The following RACGAP1 variants were observed in gnomAD, a reference collection of about 807,000 sequenced individuals.
RACGAP1 encodes Rac GTPase activating protein 1, also known as rac GTPase-activating protein 1.
A neutral mutation model predicts 78.1 loss-of-function variants in RACGAP1; 30 were observed. That is an observed-to-expected ratio of 0.38 (90% CI 0.29 to 0.52). The LOEUF is 0.52. Among genes scored for constraint, RACGAP1 ranks in the 20% least tolerant of loss-of-function variants. The probability of loss-of-function intolerance (pLI) is 0.82; values close to 1 mark genes in which losing one functional copy is unlikely to be tolerated. For synonymous variants in RACGAP1, 231 were observed against 264.8 expected, an observed-to-expected ratio of 0.87 and a Z score of 1.24; for missense variants, 587 against 777.1, an observed-to-expected ratio of 0.76 and a Z score of 2.91.
upstream of RACGAP1, among the ~76,000 whole-genome samples, chr12:50,026,421 T>C (rs888045986): frequency 3.9e-5 from 6 of 151,974 alleles, no homozygotes; most frequent in East Asian, 1.9e-4. Flanking sequence ...TCAAGAGATA[T>C]AAAATTTCAG....
chr12:50,012,315 C>G (rs1273243945), intron 2 of RACGAP1, among the ~76,000 whole-genome samples: 8 of 151,980 alleles, frequency 5.3e-5, no homozygotes, highest in Middle Eastern at 3.4e-3. Flanking sequence ...AATCCCAGCA[C>G]TTTGGGAGGC....
chr12:50,029,036 T>G (rs548219412), upstream of RACGAP1, among the ~76,000 whole-genome samples: 8 of 152,004 alleles, frequency 5.3e-5, no homozygotes, highest in African/African-American at 1.9e-4. Flanking sequence ...GCCAACATGG[T>G]GAAACCCTGT....
Position 49,994,345 on chromosome 12 carries a change from C to T in RACGAP1, c.1141-16G>A, listed in dbSNP as rs1196913924. ...ACAGGCCTGTCTATTATCAAGATGACATTTTTATTTAAAAACCTCCGAATT... is the reference window on the plus strand; with the variant it reads ...ACAGGCCTGTCTATTATCAAGATGATATTTTTATTTAAAAACCTCCGAATT... On this transcript the variant is annotated splice_polypyrimidine_tract_variant and intron_variant, in intron 11 of 16. Transcript: ENST00000312377. 9.9e-6 allele frequency: 16 copies of T among 1,612,624 alleles called. No individual in the cohort carries two copies. The highest frequency in any genetic ancestry group is 1.7e-5 in the Admixed American group (1 of 59,694).
At chr12:49,995,003 T>C (rs536047964) in intron 10 of RACGAP1, among the ~76,000 whole-genome samples, 1 of 152,246 alleles carries the variant, frequency 6.6e-6, no homozygotes, top group South Asian at 2.1e-4. Flanking sequence ...CAAACCTACC[T>C]GTAGGGGAGA....
At position 49,990,159 on chromosome 12, in the gene RACGAP1, C is replaced by A; in HGVS notation, c.*109G>T. The A allele has an allele frequency of 1.1e-6, 1 of 875,654 alleles. No individual in the cohort carries two copies. The highest frequency in any genetic ancestry group is 1.8e-6 in the Non-Finnish European group (1 of 553,928). The allele number at this position is 875,654 out of a possible 1,614,324, so 54.2% of individuals were successfully genotyped here. ...ATGCACAATTAAACTTGAGTAAAAG[C>A]CTGGAGAATGCTAAAAGTAGTAATG... On this transcript the variant is annotated 3_prime_UTR_variant, in exon 17 of 17. Transcript: ENST00000312377.
chr12:50,009,412 T>G (rs1949173178), intron 2 of RACGAP1, among the ~76,000 whole-genome samples: 1 of 152,026 alleles, frequency 6.6e-6, no homozygotes, highest in Non-Finnish European at 1.5e-5. Flanking sequence ...AATTTAAAAA[T>G]CAGGATTTGG....
At chr12:49,992,499 C>T (rs1947961090) in intron 13 of RACGAP1, 51 bp downstream of exon 13, 2 of 1,589,568 alleles carry the variant, frequency 1.3e-6, no homozygotes, top group Middle Eastern at 1.7e-4. Context: ...CATTATCTTC[C>T]CCTTGGAAAA....
intron 2 of RACGAP1, among the ~76,000 whole-genome samples, chr12:50,008,169 GA>G (rs71441313): frequency 0.16 from 9,913 of 60,392 alleles, 293 homozygotes; most frequent in Non-Finnish European, 0.21. Context: ...TGAGAAATGT[GA>G]AAAAAAAAAA....
At chr12:49,997,314 G>A (rs1948364248) in intron 9 of RACGAP1, 110 bp from the exon 10 acceptor site, 18 of 1,336,118 alleles carry the variant, frequency 1.3e-5, no homozygotes, top group Admixed American at 6.7e-5. Context: ...TCACTCTCTC[G>A]CCTGGGCTGG....
chr12:50,018,929 CTTCCCAGG>C (rs1345005989), intron 1 of RACGAP1, among the ~76,000 whole-genome samples: 1 of 151,944 alleles, frequency 6.6e-6, no homozygotes, highest in Admixed American at 6.6e-5. Context: ...GCAACCTCTG[CTTCCCAGG>C]TTCAAGTGAT....
chr12:50,020,444 A>G (rs1371089221), intron 1 of RACGAP1, among the ~76,000 whole-genome samples: 2 of 151,868 alleles, frequency 1.3e-5, no homozygotes, highest in Non-Finnish European at 2.9e-5. Context: ...TCGGCCTCCC[A>G]AAGTGCTGGG....
At chr12:49,996,367 G>A (rs901949349) in intron 10 of RACGAP1, among the ~76,000 whole-genome samples, 1 of 149,964 alleles carries the variant, frequency 6.7e-6, no homozygotes, top group Admixed American at 6.7e-5. Flanking sequence ...GGTGGCTCAC[G>A]CCTGTAGTCT....
chr12:50,023,379 C>T (rs1405276109), intron 1 of RACGAP1, among the ~76,000 whole-genome samples: 2 of 152,196 alleles, frequency 1.3e-5, no homozygotes, highest in Non-Finnish European at 2.9e-5. Flanking sequence ...ACTGCACATT[C>T]TTTAAGACCA....
intron 1 of RACGAP1, 163 bp from the exon 2 acceptor site, chr12:50,016,882 AT>A: frequency 7.3e-7 from 1 of 1,375,420 alleles, no homozygotes; most frequent in Non-Finnish European, 9.5e-7. Context: ...GATTCTTATT[AT>A]AAAAACAAAC....
In RACGAP1 at chr12:50,006,565, T is replaced by G. The variant is rs755577538; in HGVS notation, c.157A>C (p.Lys53Gln). 6.2e-7 allele frequency: 1 copy of G among 1,614,186 alleles called. No homozygotes were observed. The highest frequency in any genetic ancestry group is 1.7e-5 in the Admixed American group (1 of 60,014). The change falls in exon 3 of 17, where the codon AAA becomes CAA. Residue 53 changes from lysine (K) to glutamine (Q), a missense_variant. By Grantham distance (53) the Lys-to-Gln change is moderately conservative. Transcript: ENST00000312377. ...GCTTTCATCAAAAGATCCTTGTATTTCCCCAGCTCATGGTCAGTCCTCTGC... is the reference window on the plus strand; with the variant it reads ...GCTTTCATCAAAAGATCCTTGTATTGCCCCAGCTCATGGTCAGTCCTCTGC... ...KWQRTDHELG[K>Q]YKDLLMKAET...
At chr12:49,999,382 G>A in intron 8 of RACGAP1, 111 bp from the exon 9 acceptor site, 1 of 1,358,358 alleles carries the variant, frequency 7.4e-7, no homozygotes. Flanking sequence ...ATAGCCAAAA[G>A]TGAGAACTAA....
At chr12:50,025,199 A>G in intron 1 of RACGAP1, 199 bp downstream of exon 1, 2 of 637,598 alleles carry the variant, frequency 3.1e-6, no homozygotes, top group Non-Finnish European at 3.9e-6. Context: ...GAAGCCCCCG[A>G]CCCTCCCAGG....
At chr12:49,999,371 C>T (rs1033843203) in intron 8 of RACGAP1, 100 bp from the exon 9 acceptor site, 2 of 1,434,738 alleles carry the variant, frequency 1.4e-6, no homozygotes, top group African/African-American at 1.4e-5. Context: ...AATCTGTTAT[C>T]ATAGCCAAAA....
At chr12:50,009,242 C>CAAAAA (rs397751749) in intron 2 of RACGAP1, among the ~76,000 whole-genome samples, 2 of 65,248 alleles carry the variant, frequency 3.1e-5, no homozygotes, top group African/African-American at 9.9e-5. Context: ...GATGCTGTCT[C>CAAAAA]AAAAAAAAAA....
Sources: allele counts gnomAD v4.1 joint callset (sites outside exome capture counted in the v4.1 genomes callset), GRCh38; gene constraint gnomAD v4.1.1; transcripts MANE v1.5; gene names NCBI Gene and HGNC (gene_info 2026-07-23, HGNC 2026-07-21).